The following IL1RAPL2 variants were observed in gnomAD, a reference collection of about 807,000 sequenced individuals.
IL1RAPL2 encodes X-linked interleukin-1 receptor accessory protein-like 2.
In IL1RAPL2, 3 loss-of-function variants were observed where a neutral mutation model predicts 44.1. That is an observed-to-expected ratio of 0.07 (90% CI 0.03 to 0.18). The LOEUF (loss-of-function observed/expected upper bound fraction) is 0.18. Among genes scored for constraint, IL1RAPL2 ranks in the 10% least tolerant of loss-of-function variants. The pLI is 1.00. For missense variants in IL1RAPL2, 391 were observed against 496.4 expected, an observed-to-expected ratio of 0.79 and a Z score of 2.02; for synonymous variants, 181 against 178.8, an observed-to-expected ratio of 1.01 and a Z score of -0.10.
chrX:104,718,139 C>G (rs1175689635), intron 2 of IL1RAPL2, among the ~76,000 whole-genome samples: 1 of 110,749 alleles, frequency 9.0e-6, no homozygotes, highest in Admixed American at 9.6e-5. Flanking sequence ...ATGGCTGGGT[C>G]AAATGGAATT....
At chrX:105,119,804 A>G (rs2032902733) in intron 2 of IL1RAPL2, among the ~76,000 whole-genome samples, 1 of 111,231 alleles carries the variant, frequency 9.0e-6, no homozygotes, top group Non-Finnish European at 1.9e-5. Context: ...TGAAATGACT[A>G]ATGTATCAAA....
intron 2 of IL1RAPL2, among the ~76,000 whole-genome samples, chrX:104,868,174 C>G (rs1025310576): frequency 1.8e-5 from 2 of 111,895 alleles, no homozygotes; most frequent in African/African-American, 6.5e-5. Flanking sequence ...TATTAAGTTC[C>G]TCCTATTGCC....
intron 2 of IL1RAPL2, among the ~76,000 whole-genome samples, chrX:105,116,161 G>A (rs1195597865): frequency 4.4e-5 from 5 of 112,671 alleles, no homozygotes; most frequent in Non-Finnish European, 9.4e-5. Context: ...CTCCCACAGT[G>A]CAGCCGCGGG....
intron 2 of IL1RAPL2, among the ~76,000 whole-genome samples, chrX:104,727,255 C>T (rs1436353510): frequency 9.0e-6 from 1 of 110,803 alleles, no homozygotes; most frequent in Non-Finnish European, 1.9e-5. Context: ...ACAACAAAAA[C>T]AGCCCCATTA....
intron 1 of IL1RAPL2, among the ~76,000 whole-genome samples, chrX:104,650,610 G>A (rs574022916): frequency 9.0e-6 from 1 of 110,509 alleles, no homozygotes; most frequent in Non-Finnish European, 1.9e-5. Flanking sequence ...CTTTCAATGG[G>A]AAATCTGAAT....
intron 2 of IL1RAPL2, among the ~76,000 whole-genome samples, chrX:104,666,058 T>C (rs767359393): frequency 8.9e-4 from 99 of 111,409 alleles, no homozygotes; most frequent in South Asian, 6.0e-3. Context: ...CCAGGTTGGC[T>C]ACTATGAGTA....
intron 2 of IL1RAPL2, among the ~76,000 whole-genome samples, chrX:104,893,241 G>T (rs1447354500): frequency 8.9e-6 from 1 of 112,184 alleles, no homozygotes; most frequent in Non-Finnish European, 1.9e-5. Flanking sequence ...TAAGTGTGGT[G>T]TGGTGCTGAG....
chrX:104,849,214 G>C (rs914419087), intron 2 of IL1RAPL2, among the ~76,000 whole-genome samples: 1 of 106,356 alleles, frequency 9.4e-6, no homozygotes, highest in Non-Finnish European at 1.9e-5. Flanking sequence ...ATTTTTTGTA[G>C]AGATGGGATT....
chrX:105,507,126 G>C (rs974172001), intron 6 of IL1RAPL2, among the ~76,000 whole-genome samples: 1 of 111,422 alleles, frequency 9.0e-6, no homozygotes, highest in African/African-American at 3.3e-5. Flanking sequence ...TTGGGCTCTG[G>C]CTATGTTTTA....
intron 2 of IL1RAPL2, among the ~76,000 whole-genome samples, chrX:104,775,180 G>T (rs906441724): frequency 8.9e-6 from 1 of 112,293 alleles, no homozygotes; most frequent in Non-Finnish European, 1.9e-5. Flanking sequence ...TTAAAGCTAC[G>T]TTCCAACAGC....
At chrX:104,644,559 T>C (rs1290984388) in intron 1 of IL1RAPL2, among the ~76,000 whole-genome samples, 1 of 111,330 alleles carries the variant, frequency 9.0e-6, no homozygotes, top group Non-Finnish European at 1.9e-5. Flanking sequence ...TTTAATCTGT[T>C]TTTTTTAAGT....
chrX:105,212,555 CT>C (rs2033816843), intron 3 of IL1RAPL2, among the ~76,000 whole-genome samples: 1 of 112,038 alleles, frequency 8.9e-6, no homozygotes, highest in African/African-American at 3.2e-5. Flanking sequence ...TTAATTGTTC[CT>C]GCCTGCCTGC....
At chrX:105,620,883 T>A (rs2037414609) in intron 6 of IL1RAPL2, among the ~76,000 whole-genome samples, 1 of 111,424 alleles carries the variant, frequency 9.0e-6, no homozygotes, top group East Asian at 2.8e-4. Flanking sequence ...GAATCTAATC[T>A]TGCTTCTAAA....
At chrX:105,366,471 G>A (rs1419578449) in intron 5 of IL1RAPL2, among the ~76,000 whole-genome samples, 1 of 109,693 alleles carries the variant, frequency 9.1e-6, no homozygotes, top group East Asian at 2.9e-4. Context: ...TTTTAAGTCA[G>A]GTTTTTGTCA....
intron 2 of IL1RAPL2, among the ~76,000 whole-genome samples, chrX:105,049,421 T>C (rs1226653237): frequency 9.0e-6 from 1 of 111,729 alleles, no homozygotes; most frequent in Non-Finnish European, 1.9e-5. Context: ...GTGGGTGCTC[T>C]GGGCATTGTT....
intron 6 of IL1RAPL2, among the ~76,000 whole-genome samples, chrX:105,678,704 A>G (rs1042124257): frequency 2.7e-5 from 3 of 110,939 alleles, no homozygotes; most frequent in African/African-American, 9.8e-5. Context: ...GGTAATAGCC[A>G]AAGTTTAAGA....
chrX:104,633,428 C>T (rs995955098), intron 1 of IL1RAPL2, among the ~76,000 whole-genome samples: 2 of 111,834 alleles, frequency 1.8e-5, no homozygotes, highest in East Asian at 5.6e-4. Context: ...ACCAGCTCCT[C>T]CTTGTCCCTC....
intron 2 of IL1RAPL2, among the ~76,000 whole-genome samples, chrX:105,111,651 T>C (rs1490485517): frequency 8.9e-6 from 1 of 112,046 alleles, no homozygotes; most frequent in East Asian, 2.8e-4. Flanking sequence ...TCATGTTTCT[T>C]GATCTACTAA....
intron 2 of IL1RAPL2, among the ~76,000 whole-genome samples, chrX:104,670,872 T>C (rs1930585043): frequency 1.8e-5 from 2 of 111,615 alleles, no homozygotes; most frequent in South Asian, 7.5e-4. Context: ...TAGTTATAGA[T>C]GTACAGCAAT....
Sources: gnomAD v4.1 joint callset for allele counts (sites outside exome capture counted in the v4.1 genomes callset) on GRCh38, gnomAD v4.1.1 for gene constraint, MANE v1.5 for transcripts, NCBI Gene and HGNC (gene_info 2026-07-23, HGNC 2026-07-21) for gene names.